Variants in CHST5 observed in about 807,000 individuals in gnomAD.
The protein encoded by CHST5 is carbohydrate sulfotransferase 5.
For synonymous variants in CHST5, 313 were observed against 279.2 expected, an observed-to-expected ratio of 1.12 and a Z score of -1.21; for missense variants, 637 against 602.1, an observed-to-expected ratio of 1.06 and a Z score of -0.61.
rs777095620 is a variant in CHST5 at position 75,530,323 on chromosome 16, C to A, written c.62G>T (p.Arg21Leu). The change falls in exon 4 of 4, where the codon CGC (arginine) becomes CTC (leucine). Residue 21 changes from arginine to leucine, a missense_variant. Arg to Leu is a moderately radical substitution (Grantham distance 102, BLOSUM62 -2). Coordinates refer to ENST00000336257, the MANE Select transcript of CHST5 (RefSeq NM_024533.5). Reference protein sequence around the residue: ...AHSTRRPPAARMWLPRFSSKT... With the variant: ...AHSTRRPPAALMWLPRFSSKT... ...GCTGGAGAACCGTGGCAGCCACATG[C>A]GGGCGGCTGGGGGCCTTCGGGTGGA... The A allele has an allele frequency of 5.6e-6, 9 of 1,602,084 alleles. No homozygotes were observed. Among genetic ancestry groups the A allele is most frequent in the South Asian group, 1.1e-5 (1 of 89,386 alleles).
In CHST5 at chr16:75,529,658, C is replaced by A; in HGVS notation, c.727G>T (p.Asp243Tyr). The change falls in exon 4 of 4, where the codon GAC becomes TAC. Residue 243 changes from aspartate (D) to tyrosine (Y), a missense_variant. Asp to Tyr is a radical substitution (Grantham distance 160). Coordinates refer to ENST00000336257, the MANE Select transcript of CHST5 (RefSeq NM_024533.5). ...TTGGTGCCCAGCACGATGCCGTTGT[C>A]GCGTGCCAGTATCGGGCCCGCCGCC... is the stretch of plus-strand genomic sequence containing the variant. Reference protein sequence around the residue: ...REAAGPILARDNGIVLGTNGK... With the variant: ...REAAGPILARYNGIVLGTNGK... 6.2e-7 allele frequency: 1 copy of A among 1,610,924 alleles called. No individual in the cohort carries two copies. The highest frequency in any genetic ancestry group is 8.5e-7 in the Non-Finnish European group (1 of 1,178,726).
intron 3 of CHST5, among the ~76,000 whole-genome samples, chr16:75,532,320 T>C (rs1352065262): frequency 1.3e-5 from 2 of 152,184 alleles, no homozygotes; most frequent in Non-Finnish European, 2.9e-5. Context: ...GAAGGAACAC[T>C]GAGCCAGCCT....
At chr16:75,535,637 G>A (rs551578020) in intron 1 of CHST5, among the ~76,000 whole-genome samples, 279 of 152,328 alleles carry the variant, frequency 1.8e-3, no homozygotes, top group African/African-American at 6.3e-3. Flanking sequence ...GCCGGCGGGA[G>A]CCAGGGAAAT....
intron 3 of CHST5, among the ~76,000 whole-genome samples, 185 bp from the exon 4 acceptor site, chr16:75,531,825 C>A (rs2080525193): frequency 6.6e-6 from 1 of 152,160 alleles, no homozygotes; most frequent in Non-Finnish European, 1.5e-5. Context: ...GTCACACCAC[C>A]ACCAGGCTTG....
intron 3 of CHST5, among the ~76,000 whole-genome samples, chr16:75,532,152 G>A (rs532879054): frequency 6.0e-4 from 91 of 152,248 alleles, no homozygotes; most frequent in African/African-American, 2.1e-3. Context: ...TACATCTGGA[G>A]AGAAAGAACC....
At chr16:75,533,054 G>A in intron 3 of CHST5, 35 bp downstream of exon 3, 1 of 692,762 alleles carries the variant, frequency 1.4e-6, no homozygotes, top group Non-Finnish European at 2.6e-6. Context: ...CCCTGGGTAG[G>A]GAGGATCTTG....
chr16:75,530,221 G>C lies in CHST5; in HGVS notation c.164C>G (p.Ser55Cys). Residue 55 changes from serine (S) to cysteine (C), a missense_variant, in exon 4 of 4, where the codon TCC becomes TGC. Ser to Cys is a moderately radical substitution (Grantham distance 112, BLOSUM62 -1). Coordinates refer to ENST00000336257, the MANE Select transcript of CHST5 (RefSeq NM_024533.5). ...LFIISRPGPS[S>C]PAGGEDRVHV... ...CACACGATCCTCGCCGCCGGCTGGG[G>C]ATGAGGGCCCTGGCCGGGAGATGAT... 2 of 1,613,766 alleles carry C rather than the reference G, an allele frequency of 1.2e-6. No individual in the cohort carries two copies. Among genetic ancestry groups the C allele is most frequent in the South Asian group, 1.1e-5 (1 of 91,082 alleles).
rs372652437 is a variant in CHST5 at position 75,530,214 on chromosome 16, G to A, written c.171C>T (p.Ala57=). ...IISRPGPSSP[A]GGEDRVHVLV... ...GCACGTGCACACGATCCTCGCCGCC[G>A]GCTGGGGATGAGGGCCCTGGCCGGG... The change falls in exon 4 of 4, where the codon GCC becomes GCT. Residue 57 remains alanine (A), a synonymous_variant. Transcript: ENST00000336257. 5.0e-6 allele frequency: 8 copies of A among 1,613,598 alleles called. No individual in the cohort carries two copies. In the African/African-American group the frequency reaches 6.7e-5, roughly 13 times the overall value.
At position 75,528,562 on chromosome 16, in the gene CHST5, T is replaced by A. The variant is rs1332413321; in HGVS notation, c.*587A>T. On this transcript the variant is annotated 3_prime_UTR_variant, in exon 4 of 4. Transcript: ENST00000336257. The stretch of plus-strand genomic sequence containing the variant: ...ACTTTTGAACAAATTTATTACTTAT[T>A]TTTTTGATAGAGTCTTGCTCTGCCA... 6.6e-6 allele frequency: 1 copy of A among 152,220 alleles called. No individual in the cohort carries two copies. The highest frequency in any genetic ancestry group is 1.5e-5 in the Non-Finnish European group (1 of 68,066). The allele number at this position is 152,220 out of a possible 1,614,324, so 9.4% of individuals were successfully genotyped here.
chr16:75,532,552 G>A (rs903570769), intron 3 of CHST5, among the ~76,000 whole-genome samples: 1 of 152,118 alleles, frequency 6.6e-6, no homozygotes, highest in East Asian at 1.9e-4. Context: ...GCCTCAATGC[G>A]GGGACAGGAG....
intron 1 of CHST5, among the ~76,000 whole-genome samples, chr16:75,535,795 G>A (rs1483198829): frequency 2.0e-5 from 3 of 152,198 alleles, no homozygotes; most frequent in African/African-American, 4.8e-5. Flanking sequence ...CCTTTTAGCC[G>A]GGGATGTCAA....
rs1325452106 is a variant in CHST5 at position 75,530,246 on chromosome 16, T to C, written c.139A>G (p.Ile47Val). 11 of 1,613,420 alleles carry C rather than the reference T, an allele frequency of 6.8e-6. No individual in the cohort carries two copies. Among genetic ancestry groups the C allele is most frequent in the African/African-American group, 2.7e-5 (2 of 74,914 alleles). The change falls in exon 4 of 4, where the codon ATC becomes GTC. Residue 47 changes from isoleucine (I) to valine (V), a missense_variant. Transcript: ENST00000336257. ...LAQTTCLLLFIISRPGPSSPA... is the reference protein window; with the variant it reads ...LAQTTCLLLFVISRPGPSSPA... The stretch of plus-strand genomic sequence containing the variant: ...GATGAGGGCCCTGGCCGGGAGATGA[T>C]GAAGAGCAGGAGGCAGGTGGTCTGT...
In CHST5 at chr16:75,530,186, C is replaced by T. The variant is rs2080504114; in HGVS notation, c.199G>A (p.Val67Met). 8 of 1,613,698 alleles carry T rather than the reference C, an allele frequency of 5.0e-6. No individual in the cohort carries two copies. The highest frequency in any genetic ancestry group is 5.9e-6 in the Non-Finnish European group (7 of 1,180,008). The change falls in exon 4 of 4, where the codon GTG becomes ATG. Residue 67 changes from valine (V) to methionine (M), a missense_variant. By Grantham distance (21) the Val-to-Met change is conservative (BLOSUM62 1). Transcript: ENST00000336257. ...AGGEDRVHVLVLSSWRSGSSF... is the reference protein window; with the variant it reads ...AGGEDRVHVLMLSSWRSGSSF... The stretch of plus-strand genomic sequence containing the variant: ...GAGCCCGAGCGCCACGAGGACAGCA[C>T]CAGCACGTGCACACGATCCTCGCCG...
chr16:75,534,889 T>C (rs2080550519), intron 2 of CHST5, among the ~76,000 whole-genome samples: 1 of 152,182 alleles, frequency 6.6e-6, no homozygotes, highest in Non-Finnish European at 1.5e-5. Flanking sequence ...CCCCGACCCC[T>C]GCCCTGCGCA....
intron 1 of CHST5, among the ~76,000 whole-genome samples, chr16:75,535,713 A>G (rs114002841): frequency 1.9e-3 from 290 of 152,198 alleles, no homozygotes; most frequent in African/African-American, 6.3e-3. Flanking sequence ...CCGAGGGGCC[A>G]TGTCTCGGGG....
In CHST5 at chr16:75,529,538, G is replaced by A. The variant is rs1381827725; in HGVS notation, c.847C>T (p.Pro283Ser). Residue 283 changes from proline to serine, a missense_variant, in exon 4 of 4, where the codon CCA becomes TCA. By Grantham distance (74) the Pro-to-Ser change is moderately conservative. Transcript: ENST00000336257. ...RIAEAATLKP[P>S]PFLRGRYRLV... ...CGGTAGCGGCCGCGCAGGAAGGGTGGCGGCTTGAGTGTGGCGGCCTCGGCG... is the reference window on the plus strand; with the variant it reads ...CGGTAGCGGCCGCGCAGGAAGGGTGACGGCTTGAGTGTGGCGGCCTCGGCG... 6.2e-7 allele frequency: 1 copy of A among 1,609,972 alleles called. No individual in the cohort carries two copies. Among genetic ancestry groups the A allele is most frequent in the Non-Finnish European group, 8.5e-7 (1 of 1,179,266 alleles).
rs1447207651 is a variant in CHST5 at position 75,529,806 on chromosome 16, C to T, written c.579G>A (p.Val193=). ...TGAAGAAGCGCACCTCCTTGAGCAC[C>T]ACGTGGCTGTAGGAGCGGCAGGCCT... The part of the protein sequence containing the change: ...AREACRSYSH[V]VLKEVRFFNL... Residue 193 remains valine (V), a synonymous_variant, in exon 4 of 4, where the codon GTG becomes GTA. Transcript: ENST00000336257. 2 of 1,613,814 alleles carry T rather than the reference C, an allele frequency of 1.2e-6. No homozygotes were observed. The highest frequency in any genetic ancestry group is 1.7e-6 in the Non-Finnish European group (2 of 1,179,920).
At position 75,530,170 on chromosome 16, in the gene CHST5, C is replaced by T. The variant is rs770006946; in HGVS notation, c.215G>A (p.Arg72His). 6 of 1,613,456 alleles carry T rather than the reference C, an allele frequency of 3.7e-6. No homozygotes were observed. In the African/African-American group the frequency reaches 8.0e-5, roughly 22 times the overall value. The part of the protein sequence containing the change: ...RVHVLVLSSW[R>H]SGSSFLGQLF... Reference sequence around the variant, plus strand: ...CTGGCCCAAGAAGGATGAGCCCGAGCGCCACGAGGACAGCACCAGCACGTG... The same window carrying T: ...CTGGCCCAAGAAGGATGAGCCCGAGTGCCACGAGGACAGCACCAGCACGTG... The change falls in exon 4 of 4, where the codon CGC becomes CAC. Residue 72 changes from arginine to histidine, a missense_variant. Physicochemically the swap from Arg to His is conservative, Grantham distance 29. Coordinates refer to ENST00000336257, the MANE Select transcript of CHST5 (RefSeq NM_024533.5).
In CHST5 at chr16:75,530,859, G is replaced by A. The variant is rs1467250418; in HGVS notation, c.-475C>T. 4 of 994,278 alleles carry A rather than the reference G, an allele frequency of 4.0e-6. No individual in the cohort carries two copies. Among genetic ancestry groups the A allele is most frequent in the East Asian group, 1.1e-4 (1 of 8,948 alleles). The allele number at this position is 994,278 out of a possible 1,614,324, so 61.6% of individuals were successfully genotyped here. A position where few individuals can be genotyped will look rare whatever the true frequency, so the allele number is the denominator to read the frequency against. On this transcript the variant is annotated 5_prime_UTR_variant, in exon 4 of 4. In the 5' UTR this introduces an upstream ATG that the reference lacks. Transcript: ENST00000336257. ...CTCTCTGTGACGGATCACTTTACCCGTGTGTGAAAGAGGGATAATTCCGGT... is the reference window on the plus strand; with the variant it reads ...CTCTCTGTGACGGATCACTTTACCCATGTGTGAAAGAGGGATAATTCCGGT...
Sources: allele counts gnomAD v4.1 joint callset (sites outside exome capture counted in the v4.1 genomes callset), GRCh38; gene constraint gnomAD v4.1.1; transcripts MANE v1.5; gene names NCBI Gene and HGNC (gene_info 2026-07-23, HGNC 2026-07-21).